Variants in EPS15 observed in about 807,000 individuals in gnomAD.
EPS15 encodes the protein epidermal growth factor receptor pathway substrate 15.
Under a neutral mutation model 113.8 loss-of-function variants are expected in EPS15, and 72 were observed. The observed-to-expected ratio is 0.63, with a 90% CI of 0.52 to 0.77. The LOEUF (loss-of-function observed/expected upper bound fraction) is 0.77, where lower values mean the gene tolerates loss of function less well. Among genes scored for constraint, EPS15 ranks in the 30% least tolerant of loss-of-function variants. The pLI, the probability that EPS15 is intolerant of heterozygous loss-of-function variation, is 0.00. For synonymous variants in EPS15, 344 were observed against 363.4 expected, an observed-to-expected ratio of 0.95 and a Z score of 0.61; for missense variants, 1,048 against 1,045.8, an observed-to-expected ratio of 1.00 and a Z score of -0.03.
At chr1:51,422,083 AAG>A in intron 12 of EPS15, 3 of 1,193,046 alleles carry the variant, frequency 2.5e-6, no homozygotes, top group Non-Finnish European at 3.2e-6. Context: ...ATGTGGTGAA[AAG>A]AGGATAGATT....
chr1:51,437,618 A>T (rs1459400708), intron 12 of EPS15, among the ~76,000 whole-genome samples: 1 of 151,388 alleles, frequency 6.6e-6, no homozygotes, highest in East Asian at 1.9e-4. Context: ...GAGTAGCTGG[A>T]ATTACAGATG....
At chr1:51,360,492 T>G (rs925416712) in intron 24 of EPS15, among the ~76,000 whole-genome samples, 4 of 152,202 alleles carry the variant, frequency 2.6e-5, no homozygotes, top group African/African-American at 9.6e-5. Flanking sequence ...ATGGCACCCT[T>G]CCACTGTTTC....
intron 15 of EPS15, among the ~76,000 whole-genome samples, chr1:51,407,650 A>C (rs1256047345): frequency 1.3e-5 from 2 of 152,256 alleles, no homozygotes; most frequent in Non-Finnish European, 2.9e-5. Context: ...CCAAATTAGC[A>C]AATGTGAATT....
intron 24 of EPS15, among the ~76,000 whole-genome samples, chr1:51,357,424 A>ATTT (rs1389203817): frequency 1.1e-3 from 73 of 68,166 alleles, no homozygotes; most frequent in Admixed American, 1.6e-3. Context: ...ATATATATAT[A>ATTT]TATTTTTTTT....
intron 18 of EPS15, among the ~76,000 whole-genome samples, chr1:51,402,086 G>A (rs756721733): frequency 5.3e-5 from 8 of 152,232 alleles, no homozygotes; most frequent in Non-Finnish European, 1.0e-4. Flanking sequence ...GCAGTGAGCC[G>A]AGATTGTGCC....
At chr1:51,503,639 CA>C (rs1204198539) in intron 1 of EPS15, among the ~76,000 whole-genome samples, 4 of 151,826 alleles carry the variant, frequency 2.6e-5, no homozygotes, top group Non-Finnish European at 5.9e-5. Flanking sequence ...TGAACAACAA[CA>C]AAAAATAAAA....
At chr1:51,513,626 G>T (rs1408826043) in intron 1 of EPS15, among the ~76,000 whole-genome samples, 2 of 152,068 alleles carry the variant, frequency 1.3e-5, no homozygotes, top group Non-Finnish European at 2.9e-5. Context: ...TTTTAACCAT[G>T]AATTTATATT....
intron 12 of EPS15, among the ~76,000 whole-genome samples, chr1:51,435,357 C>T (rs1022489408): frequency 1.3e-4 from 20 of 151,978 alleles, no homozygotes; most frequent in African/African-American, 4.4e-4. Flanking sequence ...CCACGCCTGG[C>T]TAATTTTTGT....
At chr1:51,357,151 G>T (rs1646235242) in intron 24 of EPS15, among the ~76,000 whole-genome samples, 1 of 151,408 alleles carries the variant, frequency 6.6e-6, no homozygotes, top group Admixed American at 6.6e-5. Flanking sequence ...GCTGAGGCAG[G>T]TGGATCACCT....
intron 21 of EPS15, chr1:51,382,364 TG>T (rs769643674): frequency 1.3e-5 from 2 of 151,974 alleles, no homozygotes; most frequent in Non-Finnish European, 2.9e-5. Flanking sequence ...AAGGTTAGCA[TG>T]GCCCCTGTGC....
Position 51,481,844 on chromosome 1 carries a change from C to A in EPS15, c.34-530G>T, listed in dbSNP as rs115105589. Among the ~76,000 whole-genome samples, 716 of 152,284 alleles carry A rather than the reference C, an allele frequency of 4.7e-3. 7 individuals carry two copies. Among genetic ancestry groups the A allele is most frequent in the African/African-American group, 0.014 (601 of 41,554 alleles). On this transcript the variant is annotated intron_variant, in intron 1 of 24. Coordinates refer to ENST00000371733, the MANE Select transcript of EPS15 (RefSeq NM_001981.3). ...ACTACAGTTCAAAGAGTTCCTTGGTCAGCTTATGAACAGACTCATCTGAAA... is the reference window on the plus strand; with the variant it reads ...ACTACAGTTCAAAGAGTTCCTTGGTAAGCTTATGAACAGACTCATCTGAAA...
At chr1:51,518,101 G>A (rs1047439909) in intron 1 of EPS15, among the ~76,000 whole-genome samples, 3 of 152,162 alleles carry the variant, frequency 2.0e-5, no homozygotes, top group African/African-American at 7.2e-5. Context: ...ACCAGCTCTG[G>A]AGAGAACCGT....
At chr1:51,372,806 A>G (rs944690492) in intron 21 of EPS15, 6 of 444,250 alleles carry the variant, frequency 1.4e-5, no homozygotes, top group Admixed American at 1.0e-4. Flanking sequence ...AAGATGCTAC[A>G]GTGGACAGTC....
At chr1:51,400,712 C>CAAAAAAAAAAAAAAAAAAAAAAAAAAAA (rs375748381) in intron 19 of EPS15, among the ~76,000 whole-genome samples, 1 of 60,188 alleles carries the variant, frequency 1.7e-5, no homozygotes, top group Non-Finnish European at 3.1e-5. Flanking sequence ...CAAAAAACAC[C>CAAAAAAAAAAAAAAAAAAAAAAAAAAAA]AAAAAAAAAA....
rs1382027418 is a variant in EPS15, at chr1:51,408,224, C to T, written c.1384G>A (p.Ala462Thr). The T allele has an allele frequency of 1.2e-6, 2 of 1,613,974 alleles. No individual in the cohort carries two copies. Among genetic ancestry groups the T allele is most frequent in the African/African-American group, 2.7e-5 (2 of 74,938 alleles). ...EELSRLQQET[A>T]ELEESVESGK... ...GACTCTACACTCTCCTCCAATTCTG[C>T]TGTTTCTTGCTGTAGACGGCTCAGC... The change falls in exon 15 of 25, where the codon GCA (alanine) becomes ACA (threonine). Residue 462 changes from alanine to threonine, a missense_variant. By Grantham distance (58) the Ala-to-Thr change is moderately conservative. Transcript: ENST00000371733.
chr1:51,395,307 C>T (rs1647817437), intron 20 of EPS15, among the ~76,000 whole-genome samples: 2 of 152,222 alleles, frequency 1.3e-5, no homozygotes, highest in Non-Finnish European at 2.9e-5. Context: ...AAACTATAAA[C>T]CATAGATTTT....
At chr1:51,505,364 T>C (rs1039728654) in intron 1 of EPS15, among the ~76,000 whole-genome samples, 2 of 152,214 alleles carry the variant, frequency 1.3e-5, no homozygotes, top group African/African-American at 2.4e-5. Context: ...AAGGAATGAA[T>C]TACTGATACT....
intron 1 of EPS15, among the ~76,000 whole-genome samples, chr1:51,490,168 TG>T (rs1209894676): frequency 2.0e-5 from 3 of 152,140 alleles, no homozygotes; most frequent in African/African-American, 7.2e-5. Context: ...GAGGGTTATG[TG>T]GGAGGAGATA....
At chr1:51,359,877 G>A (rs181151066) in intron 24 of EPS15, among the ~76,000 whole-genome samples, 37 of 152,136 alleles carry the variant, frequency 2.4e-4, no homozygotes, top group African/African-American at 8.9e-4. Context: ...TCAAAAGCTG[G>A]GAGCTCAGTC....
Sources: allele counts gnomAD v4.1 joint callset (sites outside exome capture counted in the v4.1 genomes callset), GRCh38; gene constraint gnomAD v4.1.1; transcripts MANE v1.5; gene names NCBI Gene and HGNC (gene_info 2026-07-23, HGNC 2026-07-21).